The following NIBAN2 variants were observed in gnomAD, a reference collection of about 807,000 sequenced individuals.
NIBAN2 encodes the protein niban apoptosis regulator 2.
NIBAN2 carries 36 observed loss-of-function variants against 81.8 expected under a neutral mutation model. The observed-to-expected ratio is 0.44, with a 90% CI of 0.34 to 0.58. The LOEUF (loss-of-function observed/expected upper bound fraction) is 0.58, where lower values mean the gene tolerates loss of function less well. Among genes scored for constraint, NIBAN2 ranks in the 20% least tolerant of loss-of-function variants. The pLI is 0.02. For synonymous variants in NIBAN2, 445 were observed against 441.6 expected (o/e 1.01, Z -0.10); for missense variants, 897 against 1,014.1 (o/e 0.88, Z 1.57).
At chr9:127,549,394 C>G (rs908448215) in intron 1 of NIBAN2, among the ~76,000 whole-genome samples, 1 of 151,594 alleles carries the variant, frequency 6.6e-6, no homozygotes, top group Non-Finnish European at 1.5e-5. Context: ...CATGCACGCA[C>G]ACACACTCAC....
At chr9:127,539,045 A>G (rs751037526) in intron 1 of NIBAN2, among the ~76,000 whole-genome samples, 4 of 152,150 alleles carry the variant, frequency 2.6e-5, no homozygotes, top group Non-Finnish European at 5.9e-5. Flanking sequence ...TATTAGGGAC[A>G]TCTCATAGTA....
In NIBAN2 at chr9:127,517,206, T is replaced by C. The variant is rs1836850659; in HGVS notation, c.716A>G (p.Asn239Ser). The C allele has an allele frequency of 1.2e-6, 2 of 1,613,692 alleles. No homozygotes were observed. Among genetic ancestry groups the C allele is most frequent in the South Asian group, 2.2e-5 (2 of 91,070 alleles). The change falls in exon 7 of 14, where the codon AAC (asparagine) becomes AGC (serine). Residue 239 changes from asparagine to serine, a missense_variant. This residue lies in a region of NIBAN2 where 619 missense variants were observed against 691.0 expected (regional missense o/e 0.90). Transcript: ENST00000373312. The surrounding 1 kb of genome is among the most constrained non-coding windows in gnomAD (Gnocchi z 4.0). Reference protein sequence around the residue: ...LCGNEVQILSNLVMEELGPEL... With the variant: ...LCGNEVQILSSLVMEELGPEL... The stretch of plus-strand genomic sequence containing the variant: ...AGGGCCCAGCTCCTCCATCACCAGG[T>C]TGCTCAGGATCTAGGTTGAGGAGGC...
At chr9:127,525,275 A>T (rs1837041743) in intron 3 of NIBAN2, 112 bp from the exon 4 acceptor site, 1 of 640,856 alleles carries the variant, frequency 1.6e-6, no homozygotes, top group African/African-American at 2.5e-5. Flanking sequence ...GAGAAGGGAA[A>T]GGAAGAAGAG....
chr9:127,507,158 G>A lies in NIBAN2; in HGVS notation c.1928C>T (p.Pro643Leu). ...LPFEASPESP[P>L]PASPDGVTEI... ...AGTGACACCGTCCGGGGACGCAGGT[G>A]GTGGTGACTCAGGGCTAGCCTCAAA... The change falls in exon 14 of 14, where the codon CCA becomes CTA. Residue 643 changes from proline to leucine, a missense_variant. By Grantham distance (98) the Pro-to-Leu change is moderately conservative (BLOSUM62 -3). Coordinates refer to ENST00000373312, the MANE Select transcript of NIBAN2 (RefSeq NM_022833.4). This position sits in a 1 kb window ranked among gnomAD's most constrained non-coding sequence, Gnocchi z 6.8. The A allele has an allele frequency of 2.5e-6, 4 of 1,610,844 alleles. No individual in the cohort carries two copies. The highest frequency in any genetic ancestry group is 3.4e-6 in the Non-Finnish European group (4 of 1,179,070).
At chr9:127,532,608 T>C (rs1170066692) in intron 1 of NIBAN2, among the ~76,000 whole-genome samples, 2 of 149,934 alleles carry the variant, frequency 1.3e-5, no homozygotes, top group African/African-American at 4.9e-5. Context: ...CTCCATATAA[T>C]AAAAAAATTT....
chr9:127,538,819 C>A (rs1038918085), intron 1 of NIBAN2, among the ~76,000 whole-genome samples: 1 of 151,670 alleles, frequency 6.6e-6, no homozygotes, highest in Non-Finnish European at 1.5e-5. Flanking sequence ...GTGGTGGGCG[C>A]CTGTAATCCC....
chr9:127,574,752 G>A (rs1837987862), intron 1 of NIBAN2, among the ~76,000 whole-genome samples: 1 of 152,202 alleles, frequency 6.6e-6, no homozygotes, highest in African/African-American at 2.4e-5. Context: ...ATCTACCTCT[G>A]TTTACCCAGT....
chr9:127,522,463 C>T (rs1836962805), intron 5 of NIBAN2, among the ~76,000 whole-genome samples: 1 of 152,096 alleles, frequency 6.6e-6, no homozygotes, highest in Non-Finnish European at 1.5e-5. Context: ...GTTGTTCCTT[C>T]CCTAGGGGCA....
Position 127,555,929 on chromosome 9 carries a change from G to T in NIBAN2, c.55+12891C>A, listed in dbSNP as rs145542272. ...GGGCTGTTTCAGCCACACCAGCTCAGATCCAAGCCCTGGGTGGGCCCTCAG... is the reference window on the plus strand; with the variant it reads ...GGGCTGTTTCAGCCACACCAGCTCATATCCAAGCCCTGGGTGGGCCCTCAG... On this transcript the variant is annotated intron_variant, in intron 1 of 13. Coordinates refer to ENST00000373312, the MANE Select transcript of NIBAN2 (RefSeq NM_022833.4). Among the ~76,000 whole-genome samples the T allele has an allele frequency of 4.7e-3, 710 of 152,232 alleles. 6 individuals carry two copies. The highest frequency in any genetic ancestry group is 0.016 in the African/African-American group (672 of 41,548).
upstream of NIBAN2, among the ~76,000 whole-genome samples, chr9:127,573,734 A>G (rs999881257): frequency 1.3e-5 from 2 of 152,096 alleles, no homozygotes; most frequent in East Asian, 1.9e-4. Context: ...GCTCACTGCA[A>G]TCTCTACCTA....
At chr9:127,542,586 G>A (rs1478489092) in intron 1 of NIBAN2, among the ~76,000 whole-genome samples, 1 of 152,266 alleles carries the variant, frequency 6.6e-6, no homozygotes, top group African/African-American at 2.4e-5. Flanking sequence ...CAGGCCCTTG[G>A]CTGGGTCCTG....
At chr9:127,566,863 C>A (rs1329326994) in intron 1 of NIBAN2, among the ~76,000 whole-genome samples, 1 of 152,130 alleles carries the variant, frequency 6.6e-6, no homozygotes, top group Non-Finnish European at 1.5e-5. Flanking sequence ...TCTGGGGAGA[C>A]TGGGAGGCTT....
At chr9:127,524,352 G>C (rs1027665048) in intron 4 of NIBAN2, among the ~76,000 whole-genome samples, 2 of 152,178 alleles carry the variant, frequency 1.3e-5, no homozygotes, top group Non-Finnish European at 2.9e-5. Context: ...CTGGTCCTGG[G>C]CTGTGACCCT....
Position 127,569,053 on chromosome 9 carries a change from G to T in NIBAN2, c.-179C>A. 1 of 1,079,248 alleles carries T rather than the reference G, an allele frequency of 9.3e-7. No individual in the cohort carries two copies. The highest frequency in any genetic ancestry group is 4.5e-5 in the South Asian group (1 of 22,416). 66.9% of individuals were successfully genotyped at this position (1,079,248 alleles called of 1,614,324 possible). ...CCGGCTCCGCTCCCGGTCGGGCCCC[G>T]TCCCTCCAGCCGGCCGCCTTGGCCC... On this transcript the variant is annotated 5_prime_UTR_variant, in exon 1 of 14. Coordinates refer to ENST00000373312, the MANE Select transcript of NIBAN2 (RefSeq NM_022833.4).
chr9:127,517,670 C>T lies in NIBAN2; in HGVS notation c.705+156G>A, dbSNP rs528555028. On this transcript the variant is annotated intron_variant, in intron 6 of 13. Coordinates refer to ENST00000373312, the MANE Select transcript of NIBAN2 (RefSeq NM_022833.4). The surrounding 1 kb of genome is among the most constrained non-coding windows in gnomAD (Gnocchi z 4.0). ...ATGAATAAGACAGCGAGTATCTCCA[C>T]GTGCACTGGCCCTGCACTTGTCCAA... Among the ~76,000 whole-genome samples, 1 of 152,276 alleles carries T rather than the reference C, an allele frequency of 6.6e-6. No homozygotes were observed. The highest frequency in any genetic ancestry group is 1.5e-5 in the Non-Finnish European group (1 of 68,026).
intron 5 of NIBAN2, among the ~76,000 whole-genome samples, chr9:127,523,407 T>G (rs907370293): frequency 2.7e-5 from 4 of 150,924 alleles, no homozygotes; most frequent in Non-Finnish European, 5.9e-5. Flanking sequence ...AGAATCAGGA[T>G]TGTGACTTTG....
chr9:127,561,367 G>T (rs1802884179), intron 1 of NIBAN2: 1 of 831,056 alleles, frequency 1.2e-6, no homozygotes, highest in Non-Finnish European at 1.5e-6. Flanking sequence ...CATCTCCCTG[G>T]GTGTCAAGTT....
At chr9:127,514,287 A>C (rs1400772238) in intron 8 of NIBAN2, among the ~76,000 whole-genome samples, 1 of 151,200 alleles carries the variant, frequency 6.6e-6, no homozygotes, top group Non-Finnish European at 1.5e-5. Context: ...AAAAAAAAAA[A>C]CTAAAAGAAT....
intron 8 of NIBAN2, 37 bp downstream of exon 8, chr9:127,516,820 C>T (rs1836837504): frequency 2.5e-6 from 4 of 1,591,798 alleles, no homozygotes; most frequent in South Asian, 2.2e-5. Context: ...CACCTTGGCC[C>T]CTGGAGGGCC....
Sources: allele counts gnomAD v4.1 joint callset (sites outside exome capture counted in the v4.1 genomes callset), GRCh38; gene constraint gnomAD v4.1.1; regional missense constraint gnomAD v4.1.1; non-coding constraint Gnocchi (gnomAD v3.1); transcripts MANE v1.5; gene names NCBI Gene and HGNC (gene_info 2026-07-23, HGNC 2026-07-21).